Variants in CASTOR2 observed in about 807,000 individuals in gnomAD.
CASTOR2 encodes GATS protein like 2.
CASTOR2 carries 8 observed loss-of-function variants against 31.2 expected under a neutral mutation model. The observed-to-expected ratio is 0.26, with a 90% CI of 0.15 to 0.46. The LOEUF is 0.46. CASTOR2 is among the 20% of genes least tolerant of loss of function. CASTOR2 has a pLI of 0.99. For missense variants in CASTOR2, 216 were observed against 382.1 expected (o/e 0.57, Z 3.62); for synonymous variants, 162 against 158.7 (o/e 1.02, Z -0.16).
chr7:75,017,144 T>C (rs1302506300), intron 2 of CASTOR2, among the ~76,000 whole-genome samples: 2 of 148,460 alleles, frequency 1.3e-5, no homozygotes, highest in African/African-American at 2.5e-5. Context: ...AGAGCAAGAC[T>C]CTCTCAAAAA....
intron 1 of CASTOR2, among the ~76,000 whole-genome samples, chr7:75,000,406 T>C (rs1804465644): frequency 6.6e-6 from 1 of 152,098 alleles, no homozygotes; most frequent in African/African-American, 2.4e-5. Flanking sequence ...AACTCCCTCA[T>C]TCCAGACAGA....
intron 1 of CASTOR2, among the ~76,000 whole-genome samples, chr7:74,971,105 C>G (rs1441661858): frequency 6.7e-6 from 1 of 149,384 alleles, no homozygotes; most frequent in African/African-American, 2.5e-5. Context: ...AAGCAATTCT[C>G]CTGCCTCAGC....
At chr7:74,970,629 GCTTAACTCAAAA>G (rs1803657697) in intron 1 of CASTOR2, among the ~76,000 whole-genome samples, 1 of 113,854 alleles carries the variant, frequency 8.8e-6, no homozygotes. Flanking sequence ...GGTAGGACGG[GCTTAACTCAAAA>G]CGATAAGGCC....
chr7:74,983,000 A>ATTTT (rs587752226), intron 1 of CASTOR2, among the ~76,000 whole-genome samples: 1 of 18,256 alleles, frequency 5.5e-5, no homozygotes, highest in African/African-American at 2.2e-4. Context: ...AGTAAAACGC[A>ATTTT]TTTTTTTTTT....
At chr7:74,968,383 G>T in intron 1 of CASTOR2, among the ~76,000 whole-genome samples, 1 of 108,342 alleles carries the variant, frequency 9.2e-6, no homozygotes. Context: ...TCTGTGTTGG[G>T]GTGTGGCTGG....
intron 1 of CASTOR2, among the ~76,000 whole-genome samples, chr7:74,970,752 AG>A (rs1803659895): frequency 8.8e-6 from 1 of 114,000 alleles, no homozygotes. Flanking sequence ...CAACAAAGCA[AG>A]ACCCCATCTC....
intron 1 of CASTOR2, among the ~76,000 whole-genome samples, chr7:74,985,334 T>C (rs1804037148): frequency 6.6e-6 from 1 of 151,778 alleles, no homozygotes; most frequent in South Asian, 2.1e-4. Flanking sequence ...ACACTCAGCA[T>C]TTTGGGAGGC....
rs587595679 is a variant in CASTOR2 at position 74,990,523 on chromosome 7, G to T, written c.114-17471G>T. 4.2e-3 allele frequency among the ~76,000 whole-genome samples: 637 copies of T among 150,852 alleles called. 6 individuals carry two copies. Among genetic ancestry groups the T allele is most frequent in the African/African-American group, 0.015 (608 of 41,180 alleles). Reference sequence around the variant, plus strand: ...CTCTTGAGCCAGGAGTTCAGGACCAGCTTGTGCAACATAGTGAGACCCTGG... The same window carrying T: ...CTCTTGAGCCAGGAGTTCAGGACCATCTTGTGCAACATAGTGAGACCCTGG... On this transcript the variant is annotated intron_variant, in intron 1 of 8. Transcript: ENST00000616305.
intron 1 of CASTOR2, among the ~76,000 whole-genome samples, chr7:74,998,207 A>G (rs1335607264): frequency 3.3e-5 from 5 of 152,198 alleles, no homozygotes; most frequent in Non-Finnish European, 7.3e-5. Context: ...ATCATTCTAC[A>G]GCACATTCAT....
chr7:74,971,968 T>C (rs1477469845), intron 1 of CASTOR2, among the ~76,000 whole-genome samples: 4 of 150,026 alleles, frequency 2.7e-5, no homozygotes, highest in Non-Finnish European at 5.9e-5. Context: ...TTTATTAATA[T>C]TAGTATGGAG....
intron 1 of CASTOR2, among the ~76,000 whole-genome samples, chr7:74,985,401 G>A (rs1324087050): frequency 6.6e-6 from 1 of 151,726 alleles, no homozygotes; most frequent in Non-Finnish European, 1.5e-5. Flanking sequence ...GCAACATAGT[G>A]AGACCCCCAT....
At position 75,011,748 on chromosome 7, in the gene CASTOR2, C is replaced by A. The variant is rs1357100601; in HGVS notation, c.184+3684C>A. On this transcript the variant is annotated intron_variant, in intron 2 of 8. Coordinates refer to ENST00000616305, the MANE Select transcript of CASTOR2 (RefSeq NM_001145064.3). ...GTCTCAAAAAAAAAAAAAAAAAAAC[C>A]AAAAAAAAAAGGAGTTCGAGACCAG... Among the ~76,000 whole-genome samples the A allele has an allele frequency of 5.0e-3, 552 of 109,700 alleles. 9 individuals are homozygous for A. The highest frequency in any genetic ancestry group is 0.017 in the African/African-American group (486 of 28,900). 72.0% of individuals were successfully genotyped at this position (109,700 alleles called of 152,430 possible). A position where few individuals can be genotyped will look rare whatever the true frequency, so the allele number is the denominator to read the frequency against.
At chr7:74,985,301 C>T (rs1474206393) in intron 1 of CASTOR2, among the ~76,000 whole-genome samples, 11 of 151,886 alleles carry the variant, frequency 7.2e-5, no homozygotes, top group Non-Finnish European at 1.5e-4. Context: ...GAGTCACTGT[C>T]AGGGGGTTGG....
intron 5 of CASTOR2, among the ~76,000 whole-genome samples, 180 bp downstream of exon 5, chr7:75,019,275 G>A (rs1804937331): frequency 6.6e-6 from 1 of 152,110 alleles, no homozygotes; most frequent in South Asian, 2.1e-4. Flanking sequence ...ACTAGTCTGA[G>A]GTGGGAGACA....
At chr7:74,983,815 TCTCG>T (rs1438029263) in intron 1 of CASTOR2, among the ~76,000 whole-genome samples, 1 of 150,846 alleles carries the variant, frequency 6.6e-6, no homozygotes, top group Non-Finnish European at 1.5e-5. Flanking sequence ...GAAGACAGGG[TCTCG>T]CTCGGTCACC....
rs1250934093 is a variant in CASTOR2 at position 75,027,019 on chromosome 7, CTG to C, written c.*2325_*2326del. ...TGAGCAATATATATGTTAATATATACTGTGTGCGCAGTCCGTGGACACAGCCC... is the reference window on the plus strand; with the variant it reads ...TGAGCAATATATATGTTAATATATACTGTGCGCAGTCCGTGGACACAGCCC... On this transcript the variant is annotated 3_prime_UTR_variant, in exon 9 of 9. Transcript: ENST00000616305. 5 of 152,254 alleles carry C rather than the reference CTG, an allele frequency of 3.3e-5. No individual in the cohort carries two copies. The highest frequency in any genetic ancestry group is 1.2e-4 in the African/African-American group (5 of 41,462). 9.4% of individuals were successfully genotyped at this position (152,254 alleles called of 1,614,324 possible).
intron 1 of CASTOR2, among the ~76,000 whole-genome samples, chr7:75,006,782 C>G (rs1284653011): frequency 6.6e-6 from 1 of 152,144 alleles, no homozygotes; most frequent in Non-Finnish European, 1.5e-5. Flanking sequence ...GCTCTCTTGC[C>G]TGTTGCCATG....
rs1395695091 is a variant in CASTOR2 at position 74,986,013 on chromosome 7, C to T, written c.113+20915C>T. On this transcript the variant is annotated intron_variant, in intron 1 of 8. Coordinates refer to ENST00000616305, the MANE Select transcript of CASTOR2 (RefSeq NM_001145064.3). ...CATTATCTCGGCTCACTGCAACCTC[C>T]ACCTTCCCGGTTCAAGCGATTCTCC... Among the ~76,000 whole-genome samples the T allele has an allele frequency of 2.6e-5, 4 of 152,146 alleles. No individual in the cohort carries two copies. The East Asian group carries it at 5.8e-4, about 22-fold the overall frequency.
At chr7:75,002,650 G>T (rs1187432494) in intron 1 of CASTOR2, among the ~76,000 whole-genome samples, 1 of 152,146 alleles carries the variant, frequency 6.6e-6, no homozygotes, top group Non-Finnish European at 1.5e-5. Flanking sequence ...ATTCGTCACT[G>T]TTGGAGGCAT....
Sources: gnomAD v4.1 joint callset for allele counts (sites outside exome capture counted in the v4.1 genomes callset) on GRCh38, gnomAD v4.1.1 for gene constraint, MANE v1.5 for transcripts, NCBI Gene and HGNC (gene_info 2026-07-23, HGNC 2026-07-21) for gene names.